SLTM: variants seen among roughly 807,000 people sequenced by gnomAD.
SLTM encodes SAFB like transcription modulator.
Under a neutral mutation model 134.6 loss-of-function variants are expected in SLTM, and 43 were observed. The observed-to-expected ratio is 0.32, with a 90% confidence interval of 0.25 to 0.41. The LOEUF (loss-of-function observed/expected upper bound fraction) is 0.41, where lower values mean the gene tolerates loss of function less well. Among genes scored for constraint, SLTM ranks in the 10% least tolerant of loss-of-function variants. The pLI, the probability that SLTM is intolerant of heterozygous loss-of-function variation, is 1.00. For missense variants in SLTM, 1,055 were observed against 1,288.8 expected (o/e 0.82, Z 2.78); for synonymous variants, 424 against 432.3 (o/e 0.98, Z 0.24).
Position 58,883,617 on chromosome 15 carries a change from G to A in SLTM, c.2996+9C>T. 1.2e-6 allele frequency: 2 copies of A among 1,613,876 alleles called. No homozygotes were observed. The highest frequency in any genetic ancestry group is 1.7e-6 in the Non-Finnish European group (2 of 1,179,858). ...TGTGTGCTGGCAGAAAAACTGGTTA[G>A]TTATTTACCTTGAATGTTGGGTTAT... is the stretch of plus-strand genomic sequence containing the variant. On this transcript the variant is annotated intron_variant, in intron 20 of 20. Transcript: ENST00000380516.
intron 15 of SLTM, 44 bp downstream of exon 15, chr15:58,890,237 G>A (rs1218895698): frequency 1.6e-5 from 25 of 1,604,656 alleles, no homozygotes; most frequent in Non-Finnish European, 2.1e-5. Context: ...CACAGAGTCT[G>A]AAAAAGGTGA....
chr15:58,906,065 G>T (rs1417206106), intron 5 of SLTM, among the ~76,000 whole-genome samples: 1 of 152,168 alleles, frequency 6.6e-6, no homozygotes, highest in Non-Finnish European at 1.5e-5. Flanking sequence ...AGTATGTGCA[G>T]CAAGCATAGC....
intron 2 of SLTM, among the ~76,000 whole-genome samples, chr15:58,922,429 C>G (rs2037126130): frequency 7.4e-6 from 1 of 134,780 alleles, no homozygotes; most frequent in African/African-American, 2.7e-5. Context: ...AGCTCAGAAC[C>G]TAGTACAACA....
chr15:58,904,105 T>G (rs1308429229), intron 5 of SLTM, among the ~76,000 whole-genome samples: 2 of 151,986 alleles, frequency 1.3e-5, no homozygotes, highest in Non-Finnish European at 2.9e-5. Context: ...CAGGCTCAAG[T>G]TGATCCTCCG....
chr15:58,893,421 T>C, intron 12 of SLTM, 57 bp from the exon 13 acceptor site: 2 of 1,231,742 alleles, frequency 1.6e-6, no homozygotes, highest in Non-Finnish European at 2.3e-6. Flanking sequence ...AGAAAGAAAA[T>C]ATGTATGTAA....
chr15:58,932,306 A>C, intron 2 of SLTM, 50 bp downstream of exon 2: 4 of 1,361,984 alleles, frequency 2.9e-6, no homozygotes, highest in Non-Finnish European at 3.2e-6. Context: ...AGCAGAGGCA[A>C]GTTATATAAC....
chr15:58,932,209 T>C (rs1884329921), intron 2 of SLTM, 147 bp downstream of exon 2: 1 of 635,958 alleles, frequency 1.6e-6, no homozygotes, highest in South Asian at 1.9e-5. Flanking sequence ...CTGGCAACAG[T>C]AACTTTTCTT....
intron 5 of SLTM, among the ~76,000 whole-genome samples, chr15:58,902,817 G>A (rs1315192430): frequency 6.6e-6 from 1 of 151,460 alleles, no homozygotes; most frequent in Non-Finnish European, 1.5e-5. Context: ...TCCGCCTCCT[G>A]TGTTCAAGCA....
chr15:58,921,289 G>A (rs1419463743), intron 2 of SLTM, among the ~76,000 whole-genome samples: 1 of 152,152 alleles, frequency 6.6e-6, no homozygotes, highest in Non-Finnish European at 1.5e-5. Flanking sequence ...CTAGTAAATG[G>A]CAGTGCTTCA....
intron 2 of SLTM, among the ~76,000 whole-genome samples, chr15:58,925,808 T>C (rs2037413684): frequency 6.6e-6 from 1 of 152,212 alleles, no homozygotes; most frequent in African/African-American, 2.4e-5. Context: ...AACACAAGAC[T>C]GTCAAAGGTA....
intron 2 of SLTM, among the ~76,000 whole-genome samples, chr15:58,927,613 G>A (rs2037572275): frequency 1.3e-5 from 2 of 152,066 alleles, no homozygotes; most frequent in Non-Finnish European, 2.9e-5. Context: ...CCCCAAAAAG[G>A]CCCTCAGTAT....
intron 2 of SLTM, 22 bp downstream of exon 2, chr15:58,932,334 C>CAT (rs1208444771): frequency 6.4e-7 from 1 of 1,572,066 alleles, no homozygotes. Flanking sequence ...TATTTTAAAA[C>CAT]ATGTTCATAA....
Position 58,879,965 on chromosome 15 carries a change from A to G in SLTM, c.*34T>C, listed in dbSNP as rs764837165. 2 of 1,604,486 alleles carry G rather than the reference A, an allele frequency of 1.2e-6. No homozygotes were observed. Among genetic ancestry groups the G allele is most frequent in the East Asian group, 2.2e-5 (1 of 44,696 alleles). ...AGTAAAGTTTACAGGAGATTTCAAT[A>G]AATTATCTTAAAACCTTGGCAGAGA... On this transcript the variant is annotated 3_prime_UTR_variant, in exon 21 of 21. Coordinates refer to ENST00000380516, the MANE Select transcript of SLTM (RefSeq NM_024755.4).
At chr15:58,894,815 C>T (rs1483971452) in intron 9 of SLTM, among the ~76,000 whole-genome samples, 2 of 151,794 alleles carry the variant, frequency 1.3e-5, no homozygotes, top group Non-Finnish European at 2.9e-5. Flanking sequence ...AGCAATTCCC[C>T]TCCTTCAGCC....
intron 5 of SLTM, 21 bp from the exon 6 acceptor site, chr15:58,901,308 A>T (rs1353347060): frequency 6.3e-7 from 1 of 1,588,252 alleles, no homozygotes; most frequent in African/African-American, 1.3e-5. Flanking sequence ...AAGAATAATC[A>T]AATGTAAAAT....
intron 2 of SLTM, among the ~76,000 whole-genome samples, chr15:58,917,821 C>T (rs567620690): frequency 2.7e-4 from 41 of 152,256 alleles, no homozygotes; most frequent in African/African-American, 9.6e-4. Flanking sequence ...GCAATCTCGG[C>T]TCACTGTAAC....
chr15:58,894,056 T>G, intron 11 of SLTM, 34 bp downstream of exon 11: 1 of 1,595,512 alleles, frequency 6.3e-7, no homozygotes, highest in Admixed American at 1.8e-5. Flanking sequence ...GTCTATCTGC[T>G]TATCAAAATA....
chr15:58,886,371 A>C (rs2034211335), intron 19 of SLTM, among the ~76,000 whole-genome samples: 1 of 150,682 alleles, frequency 6.6e-6, no homozygotes, highest in Non-Finnish European at 1.5e-5. Context: ...GGCTCAAGTG[A>C]TTCTCCTGCT....
At chr15:58,893,177 T>C in intron 13 of SLTM, 102 bp downstream of exon 13, 2 of 1,407,332 alleles carry the variant, frequency 1.4e-6, no homozygotes, top group Non-Finnish European at 1.9e-6. Context: ...TTTTCTTGGG[T>C]TTGCTAGCAT....
Sources: gnomAD v4.1 joint callset for allele counts (sites outside exome capture counted in the v4.1 genomes callset) on GRCh38, gnomAD v4.1.1 for gene constraint, MANE v1.5 for transcripts, NCBI Gene and HGNC (gene_info 2026-07-23, HGNC 2026-07-21) for gene names.